AGMO: variants seen among roughly 807,000 people sequenced by gnomAD.
AGMO encodes the protein alkylglycerol monooxygenase.
Under a neutral mutation model 60.2 loss-of-function variants are expected in AGMO, and 75 were observed. That is an observed-to-expected ratio of 1.25 (90% CI 1.03 to 1.51). The LOEUF is 1.51. Ranked by LOEUF, AGMO falls within the 40% of genes most tolerant of loss-of-function variation. The pLI is 0.00. For synonymous variants in AGMO, 261 were observed against 177.1 expected (o/e 1.47, Z -3.76); for missense variants, 763 against 525.5 (o/e 1.45, Z -4.42).
chr7:15,125,403 C>T, the AGMO span, among the ~76,000 whole-genome samples: 4 of 152,046 alleles, frequency 2.6e-5, no homozygotes, highest in Non-Finnish European at 4.4e-5. Flanking sequence ...AGACTACTAC[C>T]AAGAGCCCCA....
intron 3 of AGMO, among the ~76,000 whole-genome samples, chr7:15,498,017 T>G (rs1179960354): frequency 6.6e-6 from 1 of 151,134 alleles, no homozygotes. Context: ...CTATGTATAC[T>G]GCACCCACAA....
intron 12 of AGMO, among the ~76,000 whole-genome samples, chr7:15,335,363 C>A (rs1194738647): frequency 1.3e-5 from 2 of 152,010 alleles, no homozygotes; most frequent in Non-Finnish European, 2.9e-5. Flanking sequence ...CTTTTTTGAT[C>A]TAATTAAGTT....
chr7:15,539,309 C>T (rs1032331849), intron 3 of AGMO, among the ~76,000 whole-genome samples: 2 of 152,070 alleles, frequency 1.3e-5, no homozygotes, highest in African/African-American at 2.4e-5. Context: ...CCGCCACCCT[C>T]GAGTTGGCTG....
intron 3 of AGMO, among the ~76,000 whole-genome samples, chr7:15,464,027 C>CT: frequency 6.6e-6 from 1 of 152,286 alleles, no homozygotes; most frequent in East Asian, 1.9e-4. Flanking sequence ...ATTGACCAAT[C>CT]TCTTTCAATA....
intron 3 of AGMO, among the ~76,000 whole-genome samples, chr7:15,476,199 T>A (rs1332373401): frequency 1.3e-5 from 2 of 152,120 alleles, no homozygotes; most frequent in Non-Finnish European, 2.9e-5. Flanking sequence ...GAATCCTTGC[T>A]GCTCGAGTAA....
At chr7:15,391,709 T>C (rs940122955) in intron 6 of AGMO, among the ~76,000 whole-genome samples, 3 of 152,150 alleles carry the variant, frequency 2.0e-5, no homozygotes, top group Admixed American at 6.5e-5. Context: ...AGAGATTGGC[T>C]GAACAGATGC....
chr7:15,506,895 C>G (rs1783525472), intron 3 of AGMO, among the ~76,000 whole-genome samples: 1 of 151,806 alleles, frequency 6.6e-6, no homozygotes, highest in South Asian at 2.1e-4. Flanking sequence ...CCACCATACC[C>G]CTTTCTCCCA....
intron 12 of AGMO, among the ~76,000 whole-genome samples, chr7:15,256,116 AT>A (rs112623998): frequency 2.0e-5 from 3 of 152,332 alleles, no homozygotes; most frequent in African/African-American, 7.2e-5. Context: ...GAAAATCAGA[AT>A]TTGGAGGTGG....
intron 12 of AGMO, among the ~76,000 whole-genome samples, chr7:15,252,655 T>C (rs1045020365): frequency 2.0e-5 from 3 of 152,142 alleles, no homozygotes; most frequent in South Asian, 4.1e-4. Flanking sequence ...GGATGCTCGA[T>C]TGTAGGCTTA....
intron 3 of AGMO, among the ~76,000 whole-genome samples, chr7:15,539,856 T>C (rs1392565287): frequency 6.6e-6 from 1 of 152,182 alleles, no homozygotes; most frequent in African/African-American, 2.4e-5. Flanking sequence ...GGTATCTTAC[T>C]GTGGTTTTGA....
the AGMO span, among the ~76,000 whole-genome samples, chr7:15,152,245 A>T: frequency 2.6e-5 from 4 of 152,072 alleles, no homozygotes; most frequent in Admixed American, 1.3e-4. Flanking sequence ...TTCTTTTAAA[A>T]TTTTTATGTA....
intron 3 of AGMO, among the ~76,000 whole-genome samples, chr7:15,517,690 G>T (rs1370023775): frequency 1.3e-5 from 2 of 152,076 alleles, no homozygotes; most frequent in African/African-American, 4.8e-5. Flanking sequence ...GATTTCCTTG[G>T]GTGCCTACAC....
chr7:15,211,669 T>C (rs1781596194), intron 12 of AGMO, among the ~76,000 whole-genome samples: 1 of 152,000 alleles, frequency 6.6e-6, no homozygotes, highest in Non-Finnish European at 1.5e-5. Context: ...TTTCTAAAGA[T>C]CCTCCCACTC....
chr7:15,449,968 A>G (rs1399747313), intron 3 of AGMO, among the ~76,000 whole-genome samples: 1 of 152,230 alleles, frequency 6.6e-6, no homozygotes, highest in African/African-American at 2.4e-5. Flanking sequence ...ATTTAACAAC[A>G]AATAGTGGTA....
intron 3 of AGMO, among the ~76,000 whole-genome samples, chr7:15,454,982 AT>A (rs775498189): frequency 6.6e-6 from 1 of 151,592 alleles, no homozygotes; most frequent in Non-Finnish European, 1.5e-5. Flanking sequence ...TTCCATTAGT[AT>A]TTTTTAAGAT....
Position 15,418,634 on chromosome 7 carries a change from G to C in AGMO, c.533C>G (p.Ala178Gly). 6.4e-7 allele frequency: 1 copy of C among 1,563,526 alleles called. No homozygotes were observed. Among genetic ancestry groups the C allele is most frequent in the Non-Finnish European group, 8.6e-7 (1 of 1,161,606 alleles). ...YTSWIFYSPL[A>G]LFIPPSVYAV... ...ATATACTGAAGGGGGTATGAAGAGG[G>C]CCAGGGGAGAGTAGAAAATCTGAAA... The change falls in exon 5 of 13, where the codon GCC becomes GGC. Residue 178 changes from alanine (A) to glycine (G), a missense_variant. By Grantham distance (60) the Ala-to-Gly change is moderately conservative (BLOSUM62 0). Coordinates refer to ENST00000342526, the MANE Select transcript of AGMO (RefSeq NM_001004320.2).
At chr7:15,178,083 T>G in the AGMO span, among the ~76,000 whole-genome samples, 37 of 152,294 alleles carry the variant, frequency 2.4e-4, no homozygotes, top group East Asian at 6.0e-3. Flanking sequence ...TCAATCCTTA[T>G]TAGTAGTAGT....
At chr7:15,270,892 T>G (rs946288809) in intron 12 of AGMO, among the ~76,000 whole-genome samples, 2 of 151,950 alleles carry the variant, frequency 1.3e-5, no homozygotes, top group Non-Finnish European at 2.9e-5. Flanking sequence ...GCTAGCCAAT[T>G]TTCCACACAC....
chr7:15,526,222 A>C (rs1158063789), intron 3 of AGMO, among the ~76,000 whole-genome samples: 1 of 152,212 alleles, frequency 6.6e-6, no homozygotes, highest in African/African-American at 2.4e-5. Context: ...TCTAGCTGGC[A>C]AAGTGACTGA....
Sources: gnomAD v4.1 joint callset for allele counts (sites outside exome capture counted in the v4.1 genomes callset) on GRCh38, gnomAD v4.1.1 for gene constraint, MANE v1.5 for transcripts, NCBI Gene and HGNC (gene_info 2026-07-23, HGNC 2026-07-21) for gene names.